GPR21: variants seen among roughly 807,000 people sequenced by gnomAD.
GPR21 encodes probable G protein-coupled receptor 21.
GPR21 carries 9 observed loss-of-function variants against 21.5 expected under a neutral mutation model. The observed-to-expected ratio is 0.42, with a 90% confidence interval of 0.25 to 0.73. The LOEUF (loss-of-function observed/expected upper bound fraction) is 0.73, where lower values mean the gene tolerates loss of function less well. Ranked by LOEUF, GPR21 falls within the 30% of genes least tolerant of loss-of-function variation. The pLI is 0.27. For missense variants in GPR21, 416 were observed against 428.9 expected, an observed-to-expected ratio of 0.97 and a Z score of 0.27; for synonymous variants, 169 against 159.3, an observed-to-expected ratio of 1.06 and a Z score of -0.46.
In GPR21 at chr9:123,034,684, G is replaced by C. The variant is rs1181909315; in HGVS notation, c.118G>C (p.Val40Leu). Residue 40 changes from valine (V) to leucine (L), a missense_variant, in exon 2 of 2, where the codon GTA becomes CTA. Val to Leu is a conservative substitution (Grantham distance 32). Coordinates refer to ENST00000616002, the MANE Select transcript of GPR21 (RefSeq NM_005294.3). ...AGTATTGATTATTGTCTTTCTAACT[G>C]TATTGATTATTTCTGGCAACATCAT... ...LEVLIIVFLTVLIISGNIIVI... is the reference protein window; with the variant it reads ...LEVLIIVFLTLLIISGNIIVI... 6.2e-7 allele frequency: 1 copy of C among 1,612,804 alleles called. No homozygotes were observed. The highest frequency in any genetic ancestry group is 1.7e-5 in the Admixed American group (1 of 60,018).
At chr9:123,044,093 C>T in the GPR21 span, among the ~76,000 whole-genome samples, 2 of 151,774 alleles carry the variant, frequency 1.3e-5, no homozygotes, top group Admixed American at 6.6e-5. Context: ...TTAGTAGAGA[C>T]GGGGTTTCAC....
the GPR21 span, among the ~76,000 whole-genome samples, chr9:123,045,417 G>A: frequency 0.016 from 2,410 of 152,134 alleles, 35 homozygotes; most frequent in South Asian, 0.066. Flanking sequence ...CCCCTTCTTC[G>A]TGGTATGTAT....
the GPR21 span, among the ~76,000 whole-genome samples, chr9:123,044,219 A>G: frequency 6.6e-6 from 1 of 152,136 alleles, no homozygotes. Context: ...ATTATTTTCT[A>G]TGAAAAGTGT....
At chr9:123,037,558 C>A (rs2132007265), downstream of GPR21, among the ~76,000 whole-genome samples, 1 of 152,246 alleles carries the variant, frequency 6.6e-6, no homozygotes, top group African/African-American at 2.4e-5. Context: ...TTAAGTGGTA[C>A]AGATCTAAAA....
downstream of GPR21, among the ~76,000 whole-genome samples, chr9:123,039,502 T>C (rs1399742886): frequency 6.6e-6 from 1 of 152,186 alleles, no homozygotes; most frequent in Non-Finnish European, 1.5e-5. Flanking sequence ...AGGGCAGTGA[T>C]GTTTGAAAGG....
At chr9:123,041,150 A>T in the GPR21 span, among the ~76,000 whole-genome samples, 2 of 152,202 alleles carry the variant, frequency 1.3e-5, no homozygotes, top group Admixed American at 1.3e-4. Context: ...GGAGAATTTT[A>T]TAAACTTTAT....
At chr9:123,038,080 A>AT (rs935004369), downstream of GPR21, among the ~76,000 whole-genome samples, 1 of 152,092 alleles carries the variant, frequency 6.6e-6, no homozygotes, top group African/African-American at 2.4e-5. Context: ...AACTAGTTGT[A>AT]TTTTTTAATG....
the GPR21 span, among the ~76,000 whole-genome samples, chr9:123,044,665 A>T: frequency 6.8e-6 from 1 of 146,260 alleles, no homozygotes; most frequent in African/African-American, 2.8e-5. Flanking sequence ...ATGTGTATGT[A>T]TATGAGTATG....
rs1009480560 is a variant in GPR21, at chr9:123,035,465, A to G, written c.899A>G (p.Asn300Ser). ...TWLAISNSFCNCVIYSLSNSV... is the reference protein window; with the variant it reads ...TWLAISNSFCSCVIYSLSNSV... ...CTTGCTATTAGTAACAGTTTCTGCA[A>G]CTGTGTAATTTATAGTCTCTCCAAC... The change falls in exon 2 of 2, where the codon AAC becomes AGC. Residue 300 changes from asparagine to serine, a missense_variant. Asn to Ser is a conservative substitution (Grantham distance 46, BLOSUM62 1). Coordinates refer to ENST00000616002, the MANE Select transcript of GPR21 (RefSeq NM_005294.3). 1.2e-6 allele frequency: 2 copies of G among 1,614,178 alleles called. No individual in the cohort carries two copies.
At chr9:123,047,715 A>G in the GPR21 span, among the ~76,000 whole-genome samples, 2 of 152,164 alleles carry the variant, frequency 1.3e-5, no homozygotes, top group East Asian at 3.9e-4. Context: ...ATTCAAAATT[A>G]AAATAAAGGT....
downstream of GPR21, among the ~76,000 whole-genome samples, chr9:123,038,762 A>G (rs2032800544): frequency 6.6e-6 from 1 of 151,266 alleles, no homozygotes; most frequent in Admixed American, 6.6e-5. Flanking sequence ...TTTATATATT[A>G]TTAATATTAT....
chr9:123,048,897 C>A, the GPR21 span, among the ~76,000 whole-genome samples: 1 of 152,172 alleles, frequency 6.6e-6, no homozygotes, highest in African/African-American at 2.4e-5. Context: ...CTTATTTATA[C>A]ATGATTTGGG....
chr9:123,035,087 A>C lies in GPR21; in HGVS notation c.521A>C (p.His174Pro). 1.2e-6 allele frequency: 2 copies of C among 1,614,118 alleles called. No homozygotes were observed. Among genetic ancestry groups the C allele is most frequent in the South Asian group, 1.1e-5 (1 of 91,080 alleles). The change falls in exon 2 of 2, where the codon CAT (histidine) becomes CCT (proline). Residue 174 changes from histidine to proline, a missense_variant. Transcript: ENST00000616002. ...SFFHWGKPGY[H>P]GDVFQWCAES... The stretch of plus-strand genomic sequence containing the variant: ...TTCCACTGGGGCAAACCTGGATATC[A>C]TGGAGATGTGTTTCAGTGGTGTGCG...
chr9:123,046,249 A>G, the GPR21 span, among the ~76,000 whole-genome samples: 3 of 152,374 alleles, frequency 2.0e-5, no homozygotes, highest in East Asian at 5.8e-4. Context: ...GTTTACGGTA[A>G]GAATTTTAAA....
chr9:123,046,244 C>T, the GPR21 span, among the ~76,000 whole-genome samples: 9 of 152,010 alleles, frequency 5.9e-5, no homozygotes, highest in Admixed American at 2.0e-4. Context: ...TTGGGGTTTA[C>T]GGTAAGAATT....
chr9:123,036,337 C>T (rs1278105670), downstream of GPR21, among the ~76,000 whole-genome samples: 1 of 152,128 alleles, frequency 6.6e-6, no homozygotes, highest in African/African-American at 2.4e-5. Flanking sequence ...GATATGTGTG[C>T]GTAGAAGTAA....
chr9:123,042,228 C>T, the GPR21 span, among the ~76,000 whole-genome samples: 1 of 152,196 alleles, frequency 6.6e-6, no homozygotes, highest in African/African-American at 2.4e-5. Flanking sequence ...AACAAAATAG[C>T]CACATTCCCT....
At chr9:123,043,536 C>T in the GPR21 span, among the ~76,000 whole-genome samples, 1 of 151,846 alleles carries the variant, frequency 6.6e-6, no homozygotes, top group South Asian at 2.1e-4. Flanking sequence ...AAGATCATGA[C>T]ATACTCTGAT....
At chr9:123,046,085 T>C in the GPR21 span, among the ~76,000 whole-genome samples, 3 of 152,192 alleles carry the variant, frequency 2.0e-5, no homozygotes, top group Non-Finnish European at 4.4e-5. Context: ...ACTGCCTTGA[T>C]AGTTAGCTCC....
Sources: allele counts gnomAD v4.1 joint callset (sites outside exome capture counted in the v4.1 genomes callset), GRCh38; gene constraint gnomAD v4.1.1; transcripts MANE v1.5; gene names NCBI Gene and HGNC (gene_info 2026-07-23, HGNC 2026-07-21).